KIAA1217: variants seen among roughly 807,000 people sequenced by gnomAD.
KIAA1217 encodes sickle tail protein homolog.
KIAA1217 carries 88 observed loss-of-function variants against 163.9 expected under a neutral mutation model. That is an observed-to-expected ratio of 0.54 (90% CI 0.45 to 0.64). The LOEUF (loss-of-function observed/expected upper bound fraction) is 0.64. Among genes scored for constraint, KIAA1217 ranks in the 30% least tolerant of loss-of-function variants. The pLI is 0.00. For synonymous variants in KIAA1217, 903 were observed against 923.1 expected, an observed-to-expected ratio of 0.98 and a Z score of 0.39; for missense variants, 2,372 against 2,475.0, an observed-to-expected ratio of 0.96 and a Z score of 0.88.
At chr10:23,974,883 TC>T (rs35198034) in intron 1 of KIAA1217, among the ~76,000 whole-genome samples, 11,757 of 149,592 alleles carry the variant, frequency 0.079, 616 homozygotes, top group African/African-American at 0.13. Flanking sequence ...TGATTATCCT[TC>T]CCCCCCCCAT....
At chr10:24,531,462 T>C (rs576814805) in intron 14 of KIAA1217, among the ~76,000 whole-genome samples, 6 of 152,220 alleles carry the variant, frequency 3.9e-5, no homozygotes, top group African/African-American at 1.4e-4. Context: ...TCTATCCAAG[T>C]AATACTCAGC....
rs142025849 is a variant in KIAA1217 at position 23,745,839 on chromosome 10, A to G, written c.-321+50605A>G. 6.9e-3 allele frequency among the ~76,000 whole-genome samples: 1,058 copies of G among 152,338 alleles called. 15 individuals carry two copies. Among genetic ancestry groups the G allele is most frequent in the African/African-American group, 0.024 (1,006 of 41,564 alleles). ...TTCATCAGCAGTGGGTGCAAATACA[A>G]TGAGCAATGAATAAAATAATATGCA... On this transcript the variant is annotated intron_variant, in intron 1 of 18. Coordinates refer to the KIAA1217 transcript ENST00000376462.
chr10:23,971,522 C>A lies in KIAA1217; in HGVS notation c.-320-35703C>A, dbSNP rs371540637. Among the ~76,000 whole-genome samples, 3 of 152,156 alleles carry A rather than the reference C, an allele frequency of 2.0e-5. No individual in the cohort carries two copies. The East Asian group carries it at 5.8e-4, about 29-fold the overall frequency. On this transcript the variant is annotated intron_variant, in intron 1 of 18. Coordinates refer to the KIAA1217 transcript ENST00000376462. ...CTCACTACCTACAGTAACAACTATA[C>A]CTTCCTTCCCTTGGAATTCAGTCAT...
chr10:24,067,457 G>A (rs1018208076), intron 2 of KIAA1217, among the ~76,000 whole-genome samples: 18 of 152,218 alleles, frequency 1.2e-4, no homozygotes, highest in South Asian at 4.2e-4. Flanking sequence ...GCAGAACAGC[G>A]GATATTGGTG....
intron 2 of KIAA1217, among the ~76,000 whole-genome samples, chr10:24,021,382 T>A (rs1169321426): frequency 2.0e-5 from 3 of 151,898 alleles, no homozygotes; most frequent in Non-Finnish European, 4.4e-5. Flanking sequence ...ACTTTAGGTA[T>A]AAATCTAACT....
intron 9 of KIAA1217, among the ~76,000 whole-genome samples, chr10:24,507,407 A>G (rs1455856097): frequency 6.6e-6 from 1 of 152,236 alleles, no homozygotes; most frequent in Admixed American, 6.5e-5. Flanking sequence ...AACAGCTATT[A>G]TAATTATTCT....
intron 1 of KIAA1217, among the ~76,000 whole-genome samples, chr10:23,825,787 A>G (rs1156729948): frequency 6.6e-6 from 1 of 152,206 alleles, no homozygotes; most frequent in African/African-American, 2.4e-5. Flanking sequence ...TGGATTTTTG[A>G]GTCATGCAGA....
intron 1 of KIAA1217, among the ~76,000 whole-genome samples, chr10:23,826,135 T>C (rs560658572): frequency 1.2e-4 from 18 of 152,282 alleles, no homozygotes; most frequent in African/African-American, 4.1e-4. Context: ...TAACATTCTT[T>C]TATATTGCAC....
At chr10:24,265,354 A>T (rs1564369588) in intron 2 of KIAA1217, among the ~76,000 whole-genome samples, 1 of 152,156 alleles carries the variant, frequency 6.6e-6, no homozygotes, top group Non-Finnish European at 1.5e-5. Context: ...TCCTTTGGAG[A>T]CTATTTTGAC....
chr10:23,827,668 T>A (rs1432216800), intron 1 of KIAA1217, among the ~76,000 whole-genome samples: 1 of 152,192 alleles, frequency 6.6e-6, no homozygotes, highest in East Asian at 1.9e-4. Context: ...GGGAGCTTGT[T>A]AACAGAGCAG....
At chr10:23,977,713 C>T (rs567031662) in intron 1 of KIAA1217, among the ~76,000 whole-genome samples, 3 of 152,122 alleles carry the variant, frequency 2.0e-5, no homozygotes, top group African/African-American at 7.2e-5. Context: ...CTCTCTGAGG[C>T]CACAATTTAA....
chr10:23,842,617 T>C (rs757898529), intron 1 of KIAA1217, among the ~76,000 whole-genome samples: 5 of 152,072 alleles, frequency 3.3e-5, no homozygotes, highest in African/African-American at 4.8e-5. Flanking sequence ...TCAAAACTCA[T>C]GTTCTTAAGT....
chr10:24,493,496 A>T (rs2066406152), intron 6 of KIAA1217, among the ~76,000 whole-genome samples: 1 of 152,248 alleles, frequency 6.6e-6, no homozygotes, highest in Non-Finnish European at 1.5e-5. Flanking sequence ...AATGTGTTGA[A>T]AACATGGCAA....
intron 3 of KIAA1217, among the ~76,000 whole-genome samples, chr10:24,420,987 GGTTTTGTTTGTTT>G (rs2058686665): frequency 1.4e-5 from 2 of 147,802 alleles, no homozygotes; most frequent in Non-Finnish European, 2.9e-5. Flanking sequence ...TGTTATAAGT[GGTTTTGTTTGTTT>G]GTTTGTTTGT....
intron 5 of KIAA1217, among the ~76,000 whole-genome samples, chr10:24,442,095 G>A (rs751986849): frequency 6.6e-6 from 1 of 151,876 alleles, no homozygotes; most frequent in African/African-American, 2.4e-5. Flanking sequence ...ATTTTTACTT[G>A]TATATAGACA....
intron 9 of KIAA1217, among the ~76,000 whole-genome samples, chr10:24,502,999 T>C (rs2067865128): frequency 6.6e-6 from 1 of 152,012 alleles, no homozygotes; most frequent in African/African-American, 2.4e-5. Context: ...AAAAACAAGA[T>C]AAATGTATCC....
chr10:23,855,753 T>A lies in KIAA1217; in HGVS notation c.-320-151472T>A, dbSNP rs11013756. Among the ~76,000 whole-genome samples, 62 of 152,326 alleles carry A rather than the reference T, an allele frequency of 4.1e-4. 1 individual carries two copies. In the East Asian group the frequency reaches 0.011, roughly 28 times the overall value. ...TCTAAACTTTCCTTCTCGCTTCATTTCATTCATTTCATCTTCCATCACTGA... is the reference window on the plus strand; with the variant it reads ...TCTAAACTTTCCTTCTCGCTTCATTACATTCATTTCATCTTCCATCACTGA... On this transcript the variant is annotated intron_variant, in intron 1 of 18. Coordinates refer to the KIAA1217 transcript ENST00000376462.
rs76842300 is a variant in KIAA1217, at chr10:23,754,391, A to G, written c.-321+59157A>G. 7.0e-3 allele frequency among the ~76,000 whole-genome samples: 1,073 copies of G among 152,366 alleles called. 19 individuals carry two copies. Among genetic ancestry groups the G allele is most frequent in the African/African-American group, 0.025 (1,028 of 41,590 alleles). On this transcript the variant is annotated intron_variant, in intron 1 of 18. Transcript: ENST00000376462. ...CCCCTCCTGGCACCATGTGACCCAC[A>G]TAAGGAGTGTCTTCAGACTGAAGCT...
chr10:23,887,147 T>G (rs1024274155), intron 1 of KIAA1217, among the ~76,000 whole-genome samples: 3 of 151,892 alleles, frequency 2.0e-5, no homozygotes, highest in African/African-American at 7.2e-5. Flanking sequence ...CCTCTGAAAC[T>G]CAGTTTCCCA....
Sources: gnomAD v4.1 joint callset for allele counts (sites outside exome capture counted in the v4.1 genomes callset) on GRCh38, gnomAD v4.1.1 for gene constraint, MANE v1.5 for transcripts, NCBI Gene and HGNC (gene_info 2026-07-23, HGNC 2026-07-21) for gene names.